Variants in TLL2 observed in about 807,000 individuals in gnomAD.
TLL2 encodes the protein tolloid like 2.
TLL2 carries 106 observed loss-of-function variants against 123.0 expected under a neutral mutation model. The ratio of observed to expected loss-of-function variants is 0.86; its 90% CI spans 0.74 to 1.01. The LOEUF (loss-of-function observed/expected upper bound fraction) is 1.01. Among genes scored for constraint, TLL2 ranks in the 50% least tolerant of loss-of-function variants. TLL2 has a pLI of 0.00. For synonymous variants in TLL2, 494 were observed against 516.8 expected, an observed-to-expected ratio of 0.96 and a Z score of 0.60; for missense variants, 1,332 against 1,336.7, an observed-to-expected ratio of 1.00 and a Z score of 0.06.
chr10:96,509,870 C>T (rs1019653254), intron 1 of TLL2, among the ~76,000 whole-genome samples: 1 of 152,196 alleles, frequency 6.6e-6, no homozygotes, highest in South Asian at 2.1e-4. Context: ...TGGCGTGAAC[C>T]CGGGAGGCGG....
Position 96,397,304 on chromosome 10 carries a change from T to C in TLL2, c.1268-2A>G. 1 of 1,609,872 alleles carries C rather than the reference T, an allele frequency of 6.2e-7. No individual in the cohort carries two copies. The highest frequency in any genetic ancestry group is 8.5e-7 in the Non-Finnish European group (1 of 1,177,732). ...GGATCTTATCGCCACAAAACCTGCCTGGAAAGTGGAAAAAGAAGCAGTTAG... is the reference window on the plus strand; with the variant it reads ...GGATCTTATCGCCACAAAACCTGCCCGGAAAGTGGAAAAAGAAGCAGTTAG... On this transcript the variant is annotated splice_acceptor_variant, in intron 10 of 20. Transcript: ENST00000357947. LOFTEE classifies it high-confidence loss of function.
At chr10:96,504,873 T>C (rs1847564235) in intron 1 of TLL2, among the ~76,000 whole-genome samples, 1 of 152,134 alleles carries the variant, frequency 6.6e-6, no homozygotes, top group South Asian at 2.1e-4. Context: ...CCAGGCGTGG[T>C]GGCGGGCGCC....
At chr10:96,476,241 T>TATATATATATATATC (rs1554939631) in intron 2 of TLL2, among the ~76,000 whole-genome samples, 1 of 72,410 alleles carries the variant, frequency 1.4e-5, no homozygotes, top group Non-Finnish European at 2.7e-5. Flanking sequence ...TATATATATA[T>TATATATATATATATC]TTTATTTTTG....
At chr10:96,403,726 A>G (rs1846419374) in intron 10 of TLL2, among the ~76,000 whole-genome samples, 1 of 152,008 alleles carries the variant, frequency 6.6e-6, no homozygotes, top group Non-Finnish European at 1.5e-5. Context: ...AAAAGAGGAA[A>G]GCCTCTTGCA....
At chr10:96,376,840 C>T in intron 17 of TLL2, 21 bp from the exon 18 acceptor site, 1 of 1,504,520 alleles carries the variant, frequency 6.6e-7, no homozygotes, top group Non-Finnish European at 8.8e-7. Flanking sequence ...CAGGGGGACA[C>T]ATACAAAGAG....
intron 3 of TLL2, among the ~76,000 whole-genome samples, chr10:96,440,352 G>A (rs1399746509): frequency 6.6e-6 from 1 of 152,200 alleles, no homozygotes; most frequent in South Asian, 2.1e-4. Flanking sequence ...GAAGGGATGA[G>A]CTATTCTAAA....
chr10:96,377,617 A>G (rs575888510), intron 17 of TLL2, among the ~76,000 whole-genome samples: 1 of 152,352 alleles, frequency 6.6e-6, no homozygotes, highest in South Asian at 2.1e-4. Context: ...CTTTGAGGCC[A>G]GTCTACCACT....
intron 10 of TLL2, among the ~76,000 whole-genome samples, chr10:96,402,247 C>T (rs889589822): frequency 8.5e-5 from 13 of 152,238 alleles, no homozygotes; most frequent in Non-Finnish European, 4.4e-5. Context: ...CACCTCCGCG[C>T]TTCCTTCCTC....
intron 1 of TLL2, among the ~76,000 whole-genome samples, chr10:96,502,761 C>T (rs1052041340): frequency 2.0e-5 from 3 of 152,110 alleles, no homozygotes; most frequent in Non-Finnish European, 2.9e-5. Context: ...AGCCAGCTTA[C>T]AGGACTCACA....
intron 2 of TLL2, among the ~76,000 whole-genome samples, chr10:96,472,399 AG>A (rs1255136999): frequency 9.9e-5 from 15 of 152,194 alleles, no homozygotes; most frequent in African/African-American, 3.4e-4. Flanking sequence ...ATGTCTACAA[AG>A]CTTGGGGAAT....
intron 1 of TLL2, among the ~76,000 whole-genome samples, chr10:96,482,960 A>G (rs895343203): frequency 6.6e-6 from 1 of 152,260 alleles, no homozygotes; most frequent in African/African-American, 2.4e-5. Context: ...CAGAAGCTTC[A>G]TAAGTGCAAG....
intron 7 of TLL2, among the ~76,000 whole-genome samples, chr10:96,413,607 T>G (rs1053563151): frequency 2.6e-5 from 4 of 152,174 alleles, no homozygotes; most frequent in African/African-American, 9.7e-5. Context: ...GTCCTGAGCA[T>G]TTTCATGAAG....
intron 7 of TLL2, among the ~76,000 whole-genome samples, chr10:96,418,555 G>A (rs1846587961): frequency 6.6e-6 from 1 of 152,114 alleles, no homozygotes; most frequent in African/African-American, 2.4e-5. Flanking sequence ...TTTAGCAAAT[G>A]TCTATTGAAT....
intron 1 of TLL2, among the ~76,000 whole-genome samples, chr10:96,485,935 C>T (rs542076964): frequency 1.3e-5 from 2 of 152,206 alleles, no homozygotes; most frequent in Admixed American, 1.3e-4. Flanking sequence ...GGCAGGCAAT[C>T]AGGAATACTT....
At chr10:96,492,769 C>T (rs1385164205) in intron 1 of TLL2, among the ~76,000 whole-genome samples, 1 of 152,222 alleles carries the variant, frequency 6.6e-6, no homozygotes. Context: ...TCACGGCTCT[C>T]CAAGAGAAAG....
chr10:96,443,809 A>G (rs1264350623), intron 3 of TLL2, among the ~76,000 whole-genome samples: 1 of 152,238 alleles, frequency 6.6e-6, no homozygotes, highest in African/African-American at 2.4e-5. Flanking sequence ...GGGGAGCCCA[A>G]AAACTTATAA....
At position 96,513,658 on chromosome 10, in the gene TLL2, G is replaced by C. The variant is rs1190790687; in HGVS notation, c.28C>G (p.Leu10Val). Residue 10 changes from leucine (L) to valine (V), a missense_variant, in exon 1 of 21, where the codon CTG becomes GTG. By Grantham distance (32) the Leu-to-Val change is conservative. Coordinates refer to ENST00000357947, the MANE Select transcript of TLL2 (RefSeq NM_012465.4). ...GGCAGCAGCAGCAGCAGTGACACCA[G>C]GGCCCCAAGTGCAGTCGCCCGGGGC... MPRATALGA[L>V]VSLLLLLPLP... 6.3e-7 allele frequency: 1 copy of C among 1,579,752 alleles called. No homozygotes were observed. The highest frequency in any genetic ancestry group is 8.5e-7 in the Non-Finnish European group (1 of 1,169,622).
chr10:96,448,865 A>G (rs893037812), intron 2 of TLL2, among the ~76,000 whole-genome samples: 5 of 152,144 alleles, frequency 3.3e-5, no homozygotes, highest in African/African-American at 9.7e-5. Context: ...GAATCTGCTC[A>G]TATGGGGCCT....
intron 1 of TLL2, among the ~76,000 whole-genome samples, chr10:96,500,592 G>T (rs1033278079): frequency 6.6e-6 from 1 of 152,174 alleles, no homozygotes; most frequent in Non-Finnish European, 1.5e-5. Context: ...TCAGGAGCTC[G>T]GGACCAGCCT....
Sources: gnomAD v4.1 joint callset for allele counts (sites outside exome capture counted in the v4.1 genomes callset) on GRCh38, gnomAD v4.1.1 for gene constraint, MANE v1.5 for transcripts, NCBI Gene and HGNC (gene_info 2026-07-23, HGNC 2026-07-21) for gene names.